The following RIC3 variants were observed in gnomAD, a reference collection of about 807,000 sequenced individuals.
RIC3 encodes the protein RIC3 acetylcholine receptor chaperone.
Under a neutral mutation model 27.3 loss-of-function variants are expected in RIC3, and 28 were observed. That is an observed-to-expected ratio of 1.02 (90% CI 0.76 to 1.41). The LOEUF is 1.41. Among genes scored for constraint, RIC3 ranks in the 40% most tolerant of loss-of-function variants. The pLI is 0.00. For missense variants in RIC3, 501 were observed against 444.7 expected (o/e 1.13, Z -1.14); for synonymous variants, 184 against 160.4 (o/e 1.15, Z -1.11).
intron 5 of RIC3, among the ~76,000 whole-genome samples, chr11:8,119,651 T>C (rs551027675): frequency 1.0e-3 from 155 of 152,274 alleles, no homozygotes; most frequent in African/African-American, 2.9e-3. Flanking sequence ...ACTTCATGAC[T>C]AAGACACCAA....
the RIC3 span, chr11:8,100,416 G>C: frequency 9.7e-7 from 1 of 1,027,062 alleles, no homozygotes; most frequent in Non-Finnish European, 1.5e-6. Flanking sequence ...GTGGGAACTA[G>C]CTCTTCCTCT....
At chr11:8,117,164 A>G (rs908504971) in intron 5 of RIC3, among the ~76,000 whole-genome samples, 1 of 152,096 alleles carries the variant, frequency 6.6e-6, no homozygotes, top group Admixed American at 6.6e-5. Context: ...CACCTCTTGG[A>G]CTCATCTCAG....
intron 5 of RIC3, among the ~76,000 whole-genome samples, chr11:8,126,430 A>G (rs960023835): frequency 7.2e-5 from 11 of 152,360 alleles, no homozygotes; most frequent in African/African-American, 1.9e-4. Context: ...GAAGGGCATT[A>G]GCTACAAAGG....
chr11:8,093,965 T>G, the RIC3 span: 1 of 1,567,978 alleles, frequency 6.4e-7, no homozygotes, highest in Non-Finnish European at 8.8e-7. Flanking sequence ...AATGCTGTGC[T>G]GGGGACTGTG....
At chr11:8,148,231 G>A (rs1758305880) in intron 1 of RIC3, among the ~76,000 whole-genome samples, 1 of 151,322 alleles carries the variant, frequency 6.6e-6, no homozygotes, top group African/African-American at 2.4e-5. Flanking sequence ...TAGAGACTGG[G>A]TCAGCAACAG....
chr11:8,165,386 G>C (rs1334878135), intron 1 of RIC3, among the ~76,000 whole-genome samples: 1 of 146,902 alleles, frequency 6.8e-6, no homozygotes, highest in Non-Finnish European at 1.5e-5. Flanking sequence ...CTACAACATG[G>C]ATGAACCTTG....
intron 1 of RIC3, among the ~76,000 whole-genome samples, chr11:8,164,886 AAG>A (rs1951542168): frequency 6.6e-6 from 1 of 152,176 alleles, no homozygotes; most frequent in African/African-American, 2.4e-5. Context: ...CAAATAGACA[AAG>A]AGTGAATAAA....
intron 5 of RIC3, among the ~76,000 whole-genome samples, chr11:8,114,748 A>G (rs1945661092): frequency 6.6e-6 from 1 of 152,120 alleles, no homozygotes; most frequent in Non-Finnish European, 1.5e-5. Flanking sequence ...AAAACAATAA[A>G]TAACTAAAAC....
chr11:8,100,761 T>G, the RIC3 span: 10 of 1,594,936 alleles, frequency 6.3e-6, no homozygotes, highest in Non-Finnish European at 7.7e-6. Flanking sequence ...CCGGGATAGA[T>G]CCCTTTCTGG....
At chr11:8,101,495 T>C (rs1202338568), downstream of RIC3, 4 of 1,614,222 alleles carry the variant, frequency 2.5e-6, no homozygotes, top group Non-Finnish European at 3.4e-6. Flanking sequence ...GCGGACTACA[T>C]CGTGATGCAG....
At chr11:8,161,940 G>C (rs58198949) in intron 1 of RIC3, among the ~76,000 whole-genome samples, 1 of 126,412 alleles carries the variant, frequency 7.9e-6, no homozygotes, top group African/African-American at 3.0e-5. Context: ...AATGTGAGGA[G>C]GTAATGTCCG....
chr11:8,098,031 C>T, the RIC3 span, among the ~76,000 whole-genome samples: 1 of 152,162 alleles, frequency 6.6e-6, no homozygotes, highest in African/African-American at 2.4e-5. Flanking sequence ...ACACACCCGA[C>T]CCCAAGCTGT....
chr11:8,095,624 G>A, the RIC3 span: 28 of 1,609,792 alleles, frequency 1.7e-5, no homozygotes, highest in Middle Eastern at 3.3e-4. Flanking sequence ...GGGGGCGAAC[G>A]GCCCAGCGGG....
chr11:8,099,229 G>A, the RIC3 span, among the ~76,000 whole-genome samples: 1 of 152,084 alleles, frequency 6.6e-6, no homozygotes, highest in East Asian at 1.9e-4. Context: ...GGATTACACG[G>A]CACTTTGTCA....
the RIC3 span, chr11:8,098,980 G>C: frequency 4.7e-6 from 4 of 852,976 alleles, no homozygotes; most frequent in African/African-American, 5.0e-5. Context: ...GGTAGACAAG[G>C]CTGTGTGGAG....
intron 5 of RIC3, among the ~76,000 whole-genome samples, chr11:8,115,429 C>G (rs139582878): frequency 0.013 from 1,915 of 152,144 alleles, 13 homozygotes; most frequent in South Asian, 0.028. Context: ...CCCACAAGAT[C>G]TATCTTATAA....
At chr11:8,105,982 A>G, downstream of RIC3, 1 of 151,996 alleles carries the variant, frequency 6.6e-6, no homozygotes, top group East Asian at 1.9e-4. Context: ...CTATTTGCAC[A>G]AGATTGTCTT....
intron 4 of RIC3, chr11:8,128,141 T>A (rs939811025): frequency 4.4e-6 from 2 of 455,820 alleles, no homozygotes; most frequent in Non-Finnish European, 8.8e-6. Flanking sequence ...TGCTCGTGTG[T>A]CCCACATAAC....
At chr11:8,100,419 C>T in the RIC3 span, 2 of 1,063,786 alleles carry the variant, frequency 1.9e-6, no homozygotes, top group Non-Finnish European at 2.9e-6. Context: ...GGAACTAGCT[C>T]TTCCTCTTTA....
Sources: allele counts gnomAD v4.1 joint callset (sites outside exome capture counted in the v4.1 genomes callset), GRCh38; gene constraint gnomAD v4.1.1; transcripts MANE v1.5; gene names NCBI Gene and HGNC (gene_info 2026-07-23, HGNC 2026-07-21).